Variants in TSHZ3 observed in about 807,000 individuals in gnomAD.
The protein encoded by TSHZ3 is teashirt zinc finger homeobox 3.
TSHZ3 carries 10 observed loss-of-function variants against 64.5 expected under a neutral mutation model. That is an observed-to-expected ratio of 0.16 (90% CI 0.10 to 0.26). The LOEUF (loss-of-function observed/expected upper bound fraction) is 0.26, where lower values mean the gene tolerates loss of function less well. TSHZ3 is among the 10% of genes least tolerant of loss of function. TSHZ3 has a pLI of 1.00. For missense variants in TSHZ3, 1,242 were observed against 1,421.7 expected (o/e 0.87, Z 2.03); for synonymous variants, 608 against 593.1 (o/e 1.03, Z -0.36).
At chr19:31,201,264 C>T (rs1975082768) in intron 5 of TSHZ3, among the ~76,000 whole-genome samples, 1 of 152,094 alleles carries the variant, frequency 6.6e-6, no homozygotes, top group African/African-American at 2.4e-5. Flanking sequence ...AATACACACA[C>T]ACATACACAG....
intron 5 of TSHZ3, among the ~76,000 whole-genome samples, chr19:31,165,893 G>T (rs2145108809): frequency 6.6e-6 from 1 of 152,264 alleles, no homozygotes; most frequent in East Asian, 1.9e-4. Context: ...TTAGAAAAAG[G>T]ACTCTGTAAA....
intron 5 of TSHZ3, among the ~76,000 whole-genome samples, chr19:31,158,008 AG>A (rs1974328121): frequency 6.6e-6 from 1 of 152,232 alleles, no homozygotes; most frequent in Non-Finnish European, 1.5e-5. Flanking sequence ...TGAGGGCTAA[AG>A]TTCAGGCAGA....
intron 1 of TSHZ3, among the ~76,000 whole-genome samples, chr19:31,341,190 A>C (rs1917422468): frequency 6.6e-6 from 1 of 152,242 alleles, no homozygotes. Flanking sequence ...TGACTCTAGG[A>C]TCTCCAGGAA....
At chr19:31,315,127 G>C (rs527312085) in intron 1 of TSHZ3, among the ~76,000 whole-genome samples, 1 of 152,180 alleles carries the variant, frequency 6.6e-6, no homozygotes, top group African/African-American at 2.4e-5. Flanking sequence ...CTCCCCGAGC[G>C]GCCAGCAGAA....
intron 1 of TSHZ3, among the ~76,000 whole-genome samples, chr19:31,288,657 C>A (rs1219321344): frequency 1.3e-5 from 2 of 152,174 alleles, no homozygotes; most frequent in African/African-American, 4.8e-5. Flanking sequence ...ATCCTCCCAC[C>A]TCAGCCTCCC....
chr19:31,319,906 C>A (rs1285579579), intron 1 of TSHZ3, among the ~76,000 whole-genome samples: 1 of 151,892 alleles, frequency 6.6e-6, no homozygotes. Flanking sequence ...AGCAATCGGC[C>A]CTTCCTTCCT....
intron 1 of TSHZ3, among the ~76,000 whole-genome samples, chr19:31,283,150 T>A (rs980961934): frequency 3.9e-5 from 6 of 152,092 alleles, no homozygotes; most frequent in African/African-American, 1.4e-4. Context: ...TTCGGCAACA[T>A]GGTAAAACCC....
chr19:31,348,192 G>A (rs923779907), intron 1 of TSHZ3, among the ~76,000 whole-genome samples: 1 of 152,144 alleles, frequency 6.6e-6, no homozygotes, highest in Non-Finnish European at 1.5e-5. Flanking sequence ...TGACGTCACA[G>A]AGCTTGGCCT....
chr19:31,161,807 C>A (rs1329476201), intron 5 of TSHZ3, among the ~76,000 whole-genome samples: 2 of 152,316 alleles, frequency 1.3e-5, no homozygotes, highest in East Asian at 3.9e-4. Flanking sequence ...CTCTGCAGGC[C>A]ACACGGTCTC....
intron 1 of TSHZ3, among the ~76,000 whole-genome samples, chr19:31,267,404 C>T (rs1026813106): frequency 6.6e-6 from 1 of 152,092 alleles, no homozygotes; most frequent in Non-Finnish European, 1.5e-5. Flanking sequence ...TGGTCAAGTC[C>T]CTTGCAGGCC....
At chr19:31,260,261 C>G (rs573825817) in intron 1 of TSHZ3, among the ~76,000 whole-genome samples, 1 of 152,158 alleles carries the variant, frequency 6.6e-6, no homozygotes, top group Non-Finnish European at 1.5e-5. Context: ...CCAGTCCCCC[C>G]GCCCAGGTCT....
intron 1 of TSHZ3, among the ~76,000 whole-genome samples, chr19:31,252,137 CAG>C (rs1975852294): frequency 6.6e-6 from 1 of 152,184 alleles, no homozygotes; most frequent in South Asian, 2.1e-4. Context: ...CTTAAAATAA[CAG>C]ATATTTATTT....
intron 1 of TSHZ3, among the ~76,000 whole-genome samples, chr19:31,246,828 C>T (rs1304771632): frequency 6.6e-6 from 1 of 152,016 alleles, no homozygotes; most frequent in Admixed American, 6.6e-5. Context: ...CGAGAAAGCA[C>T]AAGATGAGCC....
intron 6 of TSHZ3, among the ~76,000 whole-genome samples, chr19:31,153,973 C>T (rs1038451064): frequency 6.6e-6 from 1 of 152,242 alleles, no homozygotes; most frequent in African/African-American, 2.4e-5. Context: ...AATTTCTTCA[C>T]TCTTGTGTTT....
intron 1 of TSHZ3, among the ~76,000 whole-genome samples, chr19:31,320,977 A>G (rs1916754001): frequency 6.6e-6 from 1 of 152,214 alleles, no homozygotes; most frequent in Non-Finnish European, 1.5e-5. Flanking sequence ...CATCCGGCCC[A>G]GAGCCTCAAG....
At chr19:31,253,108 C>T (rs565067590) in intron 1 of TSHZ3, among the ~76,000 whole-genome samples, 1 of 152,126 alleles carries the variant, frequency 6.6e-6, no homozygotes, top group Non-Finnish European at 1.5e-5. Context: ...CTTAGTTAAT[C>T]GAAACCATCT....
chr19:31,235,631 C>G (rs916128796), intron 3 of TSHZ3, among the ~76,000 whole-genome samples: 2 of 109,958 alleles, frequency 1.8e-5, no homozygotes, highest in African/African-American at 8.5e-5. Context: ...TTCTTTCTTT[C>G]CTCTTTCTTT....
intron 5 of TSHZ3, among the ~76,000 whole-genome samples, chr19:31,156,446 G>A (rs1974306878): frequency 6.6e-6 from 1 of 152,084 alleles, no homozygotes; most frequent in Non-Finnish European, 1.5e-5. Flanking sequence ...ATTATCAGTG[G>A]GATAAGACAT....
chr19:31,278,038 C>A lies in TSHZ3; in HGVS notation c.1755G>T (p.Pro585=), dbSNP rs760040176. ...GAGAGACCAGGGTCTGGTTTTTCGT[C>A]GGGGAGACAATCTCACTGTTGCCAA... ...PMFGNSEIVS[P]TKNQTLVSPP... The change falls in exon 2 of 2, where the codon CCG becomes CCT. Residue 585 remains proline, a synonymous_variant. Transcript: ENST00000240587. This position sits in a 1 kb window ranked among gnomAD's most constrained non-coding sequence, Gnocchi z 4.7. 5 of 1,612,954 alleles carry A rather than the reference C, an allele frequency of 3.1e-6. No homozygotes were observed.
Sources: allele counts gnomAD v4.1 joint callset (sites outside exome capture counted in the v4.1 genomes callset), GRCh38; gene constraint gnomAD v4.1.1; non-coding constraint Gnocchi (gnomAD v3.1); transcripts MANE v1.5; gene names NCBI Gene and HGNC (gene_info 2026-07-23, HGNC 2026-07-21).